The following PCDH15 variants were observed in gnomAD, a reference collection of about 807,000 sequenced individuals.
PCDH15 encodes protocadherin-15.
A neutral mutation model predicts 178.5 loss-of-function variants in PCDH15; 129 were observed. The ratio of observed to expected loss-of-function variants is 0.72; its 90% CI spans 0.63 to 0.84. PCDH15 has a LOEUF of 0.84. Among genes scored for constraint, PCDH15 ranks in the 40% least tolerant of loss-of-function variants. The pLI, the probability that PCDH15 is intolerant of heterozygous loss-of-function variation, is 0.00. For synonymous variants in PCDH15, 800 were observed against 732.0 expected (o/e 1.09, Z -1.50); for missense variants, 2,230 against 2,099.9 (o/e 1.06, Z -1.21).
chr10:54,390,650 C>A (rs948138827), intron 3 of PCDH15, among the ~76,000 whole-genome samples: 1 of 152,074 alleles, frequency 6.6e-6, no homozygotes, highest in African/African-American at 2.4e-5. Flanking sequence ...ATCTTATATT[C>A]CTGTCTTGAC....
At chr10:55,395,179 G>GTA (rs777184587) in intron 2 of PCDH15, among the ~76,000 whole-genome samples, 2,677 of 87,778 alleles carry the variant, frequency 0.03, 40 homozygotes, top group Non-Finnish European at 0.04. Flanking sequence ...GTGTGTGTGT[G>GTA]TGTGTGTGTG....
At chr10:54,508,250 C>G (rs2081333582) in intron 3 of PCDH15, among the ~76,000 whole-genome samples, 2 of 151,982 alleles carry the variant, frequency 1.3e-5, no homozygotes, top group Admixed American at 1.3e-4. Flanking sequence ...CACTATCATA[C>G]ATTTACTGAA....
chr10:53,987,514 G>T (rs938094828), intron 21 of PCDH15, among the ~76,000 whole-genome samples: 1 of 147,632 alleles, frequency 6.8e-6, no homozygotes, highest in Non-Finnish European at 1.5e-5. Flanking sequence ...TATAATTAAG[G>T]CACCATAAAT....
chr10:54,774,006 GCTTTTTTTTTT>G (rs1949394888), intron 1 of PCDH15, among the ~76,000 whole-genome samples: 1 of 90,662 alleles, frequency 1.1e-5, no homozygotes, highest in Non-Finnish European at 2.2e-5. Context: ...TACTTCATAG[GCTTTTTTTTTT>G]TTTTTTTTTT....
chr10:54,034,027 A>G (rs2093361125), intron 18 of PCDH15, among the ~76,000 whole-genome samples: 1 of 151,870 alleles, frequency 6.6e-6, no homozygotes. Flanking sequence ...TAGAAAAAAA[A>G]TTCTTAACTG....
At chr10:54,450,985 A>T (rs1589473080) in intron 3 of PCDH15, among the ~76,000 whole-genome samples, 1 of 151,988 alleles carries the variant, frequency 6.6e-6, no homozygotes, top group African/African-American at 2.4e-5. Flanking sequence ...AAGTTAAATT[A>T]TTAAAAACAT....
At chr10:55,330,689 C>G (rs1322274436) in intron 2 of PCDH15, among the ~76,000 whole-genome samples, 1 of 151,830 alleles carries the variant, frequency 6.6e-6, no homozygotes, top group Non-Finnish European at 1.5e-5. Flanking sequence ...ATGTGTGACT[C>G]ATCATTACAT....
At chr10:55,036,004 G>C (rs781614478) in intron 2 of PCDH15, among the ~76,000 whole-genome samples, 1 of 152,022 alleles carries the variant, frequency 6.6e-6, no homozygotes, top group Non-Finnish European at 1.5e-5. Flanking sequence ...TCCCCCCAAA[G>C]GCATGTGTTA....
chr10:54,207,531 T>C (rs1420606303), intron 10 of PCDH15, among the ~76,000 whole-genome samples: 2 of 152,096 alleles, frequency 1.3e-5, no homozygotes, highest in African/African-American at 4.8e-5. Flanking sequence ...GACTGACTTC[T>C]TTTTGAGCTT....
upstream of PCDH15, among the ~76,000 whole-genome samples, chr10:55,323,036 C>T (rs924035355): frequency 6.6e-6 from 1 of 152,124 alleles, no homozygotes; most frequent in Non-Finnish European, 1.5e-5. Flanking sequence ...TCAGCTCAAG[C>T]CATTGCTAAA....
At chr10:55,085,143 C>T (rs1842135830) in intron 2 of PCDH15, among the ~76,000 whole-genome samples, 1 of 151,994 alleles carries the variant, frequency 6.6e-6, no homozygotes, top group African/African-American at 2.4e-5. Flanking sequence ...TATTGCAGCA[C>T]AATTCACAAT....
chr10:54,008,661 A>T (rs1013503831), intron 20 of PCDH15, among the ~76,000 whole-genome samples: 3 of 152,194 alleles, frequency 2.0e-5, no homozygotes, highest in Non-Finnish European at 4.4e-5. Flanking sequence ...AGGCCACACC[A>T]TTTGAGGATC....
intron 2 of PCDH15, among the ~76,000 whole-genome samples, chr10:55,403,847 T>C (rs1311558471): frequency 6.6e-6 from 1 of 152,042 alleles, no homozygotes; most frequent in Non-Finnish European, 1.5e-5. Context: ...TAAACGACAT[T>C]AACAAACCAG....
At chr10:55,106,240 GA>G (rs1220898587) in intron 2 of PCDH15, among the ~76,000 whole-genome samples, 1 of 152,050 alleles carries the variant, frequency 6.6e-6, no homozygotes, top group Non-Finnish European at 1.5e-5. Flanking sequence ...ATGGATATTG[GA>G]AAATACTATA....
At chr10:55,254,497 A>G (rs1841934946) in intron 1 of PCDH15, among the ~76,000 whole-genome samples, 1 of 152,212 alleles carries the variant, frequency 6.6e-6, no homozygotes, top group South Asian at 2.1e-4. Flanking sequence ...GTCAGTGGAA[A>G]GGTGAGTAAC....
At chr10:55,301,436 T>C (rs1843276170) in intron 1 of PCDH15, among the ~76,000 whole-genome samples, 1 of 152,116 alleles carries the variant, frequency 6.6e-6, no homozygotes, top group Non-Finnish European at 1.5e-5. Context: ...TTTTGCCCCA[T>C]TTTCTAATTG....
intron 1 of PCDH15, among the ~76,000 whole-genome samples, chr10:54,699,730 A>G (rs962090133): frequency 6.6e-6 from 1 of 152,046 alleles, no homozygotes; most frequent in South Asian, 2.1e-4. Flanking sequence ...ATTCATATAT[A>G]TTATTTCCAT....
At chr10:54,200,371 C>T (rs1292722542) in intron 10 of PCDH15, among the ~76,000 whole-genome samples, 3 of 145,584 alleles carry the variant, frequency 2.1e-5, no homozygotes, top group Admixed American at 7.3e-5. Context: ...GTTTGCTGTG[C>T]CCATCAACCA....
intron 2 of PCDH15, among the ~76,000 whole-genome samples, chr10:55,007,548 G>A (rs1167198274): frequency 6.6e-6 from 1 of 151,968 alleles, no homozygotes; most frequent in Admixed American, 6.6e-5. Flanking sequence ...CTAGAGGGTA[G>A]GTAGTAAATA....
Sources: gnomAD v4.1 joint callset for allele counts (sites outside exome capture counted in the v4.1 genomes callset) on GRCh38, gnomAD v4.1.1 for gene constraint, MANE v1.5 for transcripts, NCBI Gene and HGNC (gene_info 2026-07-23, HGNC 2026-07-21) for gene names.